SGCZ: variants seen among roughly 807,000 people sequenced by gnomAD.
SGCZ encodes sarcoglycan zeta.
SGCZ carries 40 observed loss-of-function variants against 41.3 expected under a neutral mutation model. The observed-to-expected ratio is 0.97, with a 90% CI of 0.75 to 1.26. The LOEUF (loss-of-function observed/expected upper bound fraction) is 1.26, where lower values mean the gene tolerates loss of function less well. Among genes scored for constraint, SGCZ ranks in the 50% most tolerant of loss-of-function variants. The pLI is 0.00. For missense variants in SGCZ, 552 were observed against 369.8 expected (o/e 1.49, Z -4.04); for synonymous variants, 206 against 137.5 (o/e 1.50, Z -3.49).
chr8:15,236,769 C>A (rs890631849), intron 1 of SGCZ, among the ~76,000 whole-genome samples: 24 of 152,304 alleles, frequency 1.6e-4, no homozygotes, highest in African/African-American at 5.3e-4. Context: ...CAGGCCCTCA[C>A]GGCCAAGCAG....
chr8:14,449,000 C>G (rs972872943), intron 2 of SGCZ, among the ~76,000 whole-genome samples: 5 of 152,140 alleles, frequency 3.3e-5, no homozygotes, highest in African/African-American at 1.2e-4. Flanking sequence ...ACTGTGCAAA[C>G]ACAAGTTACA....
At chr8:15,224,253 TA>T (rs1446385222) in intron 1 of SGCZ, among the ~76,000 whole-genome samples, 7 of 152,166 alleles carry the variant, frequency 4.6e-5, no homozygotes, top group Admixed American at 1.3e-4. Flanking sequence ...AGGAAAGTCA[TA>T]AAATACCAAC....
At chr8:15,205,993 C>T (rs1448788611) in intron 1 of SGCZ, among the ~76,000 whole-genome samples, 1 of 152,038 alleles carries the variant, frequency 6.6e-6, no homozygotes. Context: ...GAATGGAAAA[C>T]CAAATATTGC....
At chr8:14,551,573 T>TATATATA (rs1803857042) in intron 2 of SGCZ, among the ~76,000 whole-genome samples, 1 of 24,666 alleles carries the variant, frequency 4.1e-5, no homozygotes, top group African/African-American at 2.4e-4. Flanking sequence ...ATATATAATA[T>TATATATA]ATATATAATA....
intron 1 of SGCZ, among the ~76,000 whole-genome samples, chr8:14,905,281 G>T (rs1799089177): frequency 6.6e-6 from 1 of 151,876 alleles, no homozygotes; most frequent in Non-Finnish European, 1.5e-5. Context: ...TATAAAGAAT[G>T]AACAAAGGAA....
At position 14,933,431 on chromosome 8, in the gene SGCZ, CTTTTTT is replaced by C. The variant is rs11443740; in HGVS notation, c.39+304148_39+304153del. ...GTTTTATTCCATATACTTTTTTTTT[CTTTTTT>C]TTTTTTTTTTTGGAGACGGAGTCTC... On this transcript the variant is annotated intron_variant, in intron 1 of 7. Transcript: ENST00000382080. Among the ~76,000 whole-genome samples, 13 of 120,420 alleles carry C rather than the reference CTTTTTT, an allele frequency of 1.1e-4. No individual in the cohort carries two copies. The East Asian group carries it at 1.2e-3, about 11-fold the overall frequency. The allele number at this position is 120,420 out of a possible 152,430, so 79.0% of individuals were successfully genotyped here.
intron 2 of SGCZ, among the ~76,000 whole-genome samples, chr8:14,405,127 CTG>C (rs1799176192): frequency 6.6e-6 from 1 of 152,190 alleles, no homozygotes; most frequent in African/African-American, 2.4e-5. Context: ...TAAGGGCTGA[CTG>C]TGAGTGTTCA....
chr8:14,478,407 T>A (rs556496434), intron 2 of SGCZ, among the ~76,000 whole-genome samples: 1 of 152,324 alleles, frequency 6.6e-6, no homozygotes, highest in South Asian at 2.1e-4. Flanking sequence ...ATATACGTGT[T>A]TCTAACAGTA....
At chr8:14,522,405 T>A (rs1213847362) in intron 2 of SGCZ, among the ~76,000 whole-genome samples, 1 of 152,044 alleles carries the variant, frequency 6.6e-6, no homozygotes, top group African/African-American at 2.4e-5. Context: ...GCAAATTAAA[T>A]ATTCAATTTC....
At chr8:15,179,282 T>A (rs1224101316) in intron 1 of SGCZ, among the ~76,000 whole-genome samples, 14 of 152,184 alleles carry the variant, frequency 9.2e-5, no homozygotes, top group Non-Finnish European at 1.5e-5. Flanking sequence ...TGTATATGAA[T>A]AGTGAATTAT....
At chr8:15,022,476 T>G (rs1803290120) in intron 1 of SGCZ, among the ~76,000 whole-genome samples, 1 of 152,142 alleles carries the variant, frequency 6.6e-6, no homozygotes, top group African/African-American at 2.4e-5. Context: ...CCAGAGTAGC[T>G]GGGACTACAG....
chr8:15,063,024 C>T (rs958315984), intron 1 of SGCZ, among the ~76,000 whole-genome samples: 1 of 152,100 alleles, frequency 6.6e-6, no homozygotes, highest in Non-Finnish European at 1.5e-5. Context: ...GACTTGAAGC[C>T]ATTTAATATA....
chr8:14,304,740 T>C (rs1432292719), intron 3 of SGCZ, among the ~76,000 whole-genome samples: 2 of 152,206 alleles, frequency 1.3e-5, no homozygotes, highest in African/African-American at 2.4e-5. Context: ...ATTTAGTAAA[T>C]ATTCTCTGTG....
At chr8:14,278,495 T>C (rs937652640) in intron 3 of SGCZ, among the ~76,000 whole-genome samples, 4 of 152,164 alleles carry the variant, frequency 2.6e-5, no homozygotes, top group African/African-American at 7.2e-5. Context: ...TGTTGTGAGA[T>C]GATGAGTTTT....
intron 1 of SGCZ, among the ~76,000 whole-genome samples, chr8:15,121,888 T>C (rs1474281624): frequency 2.3e-5 from 3 of 133,286 alleles, no homozygotes; most frequent in Non-Finnish European, 4.8e-5. Context: ...GGGCTTTCTT[T>C]TCGGCAGTTA....
In SGCZ at chr8:14,420,879, A is replaced by T. The variant is rs117836423; in HGVS notation, c.235-96675T>A. Among the ~76,000 whole-genome samples, 678 of 152,230 alleles carry T rather than the reference A, an allele frequency of 4.5e-3. 2 individuals are homozygous for T. Among genetic ancestry groups the T allele is most frequent in the South Asian group, 8.1e-3 (39 of 4,828 alleles). ...ATTAGAATAAAGGAATACTTGCTTT[A>T]TATTTGTATGCAGTTCTTTCCAGAT... On this transcript the variant is annotated intron_variant, in intron 2 of 7. Coordinates refer to ENST00000382080, the MANE Select transcript of SGCZ (RefSeq NM_139167.4).
In SGCZ at chr8:14,831,490, A is replaced by G. The variant is rs547195975; in HGVS notation, c.40-276564T>C. Among the ~76,000 whole-genome samples, 19 of 152,240 alleles carry G rather than the reference A, an allele frequency of 1.2e-4. 1 individual carries two copies. The highest frequency in any genetic ancestry group is 4.3e-4 in the African/African-American group (18 of 41,540). On this transcript the variant is annotated intron_variant, in intron 1 of 7. Transcript: ENST00000382080. The stretch of plus-strand genomic sequence containing the variant: ...AGAGTTCAAGAGAATCTGCCATCAG[A>G]TAGACATCGACTTGAACTTCAGTCT...
intron 1 of SGCZ, among the ~76,000 whole-genome samples, chr8:14,870,539 G>C (rs1244751265): frequency 6.6e-6 from 1 of 152,130 alleles, no homozygotes; most frequent in Non-Finnish European, 1.5e-5. Context: ...AAGACTTCAT[G>C]ACTGAAACAC....
intron 2 of SGCZ, among the ~76,000 whole-genome samples, chr8:14,401,672 T>C (rs1188183099): frequency 2.0e-5 from 3 of 151,874 alleles, no homozygotes; most frequent in African/African-American, 7.3e-5. Context: ...CACATTTTCT[T>C]GATCCAGTCT....
Sources: allele counts gnomAD v4.1 joint callset (sites outside exome capture counted in the v4.1 genomes callset), GRCh38; gene constraint gnomAD v4.1.1; transcripts MANE v1.5; gene names NCBI Gene and HGNC (gene_info 2026-07-23, HGNC 2026-07-21).